Variants in HIPK3 observed in about 807,000 individuals in gnomAD.
HIPK3 encodes the protein homeodomain-interacting protein kinase 3.
Under a neutral mutation model 124.2 loss-of-function variants are expected in HIPK3, and 47 were observed. The ratio of observed to expected loss-of-function variants is 0.38; its 90% CI spans 0.30 to 0.48. The LOEUF (loss-of-function observed/expected upper bound fraction) is 0.48, where lower values mean the gene tolerates loss of function less well. HIPK3 is among the 20% of genes least tolerant of loss of function. The probability of loss-of-function intolerance (pLI) is 0.98; values close to 1 mark genes in which losing one functional copy is unlikely to be tolerated. For missense variants in HIPK3, 1,286 were observed against 1,454.3 expected, an observed-to-expected ratio of 0.88 and a Z score of 1.88; for synonymous variants, 482 against 515.2, an observed-to-expected ratio of 0.94 and a Z score of 0.87.
chr11:33,276,175 TTA>T (rs1851264298), intron 1 of HIPK3, among the ~76,000 whole-genome samples: 1 of 152,226 alleles, frequency 6.6e-6, no homozygotes, highest in African/African-American at 2.4e-5. Flanking sequence ...TGTATCTATA[TTA>T]TGTTTTTATC....
intron 1 of HIPK3, among the ~76,000 whole-genome samples, chr11:33,265,648 CCTGTAG>C (rs2133866189): frequency 1.3e-5 from 2 of 151,756 alleles, no homozygotes; most frequent in Non-Finnish European, 2.9e-5. Flanking sequence ...GTGGTGTGCA[CCTGTAG>C]CCCCAGCTAC....
intron 2 of HIPK3, among the ~76,000 whole-genome samples, chr11:33,305,766 C>A (rs1172072862): frequency 6.6e-6 from 1 of 152,078 alleles, no homozygotes; most frequent in Non-Finnish European, 1.5e-5. Context: ...TTTTTTAAGT[C>A]CTCATCTGTT....
chr11:33,337,078 C>T lies in HIPK3; in HGVS notation c.1225C>T (p.Arg409Ter). 1.3e-6 allele frequency: 2 copies of T among 1,592,710 alleles called. No homozygotes were observed. The highest frequency in any genetic ancestry group is 1.7e-6 in the Non-Finnish European group (2 of 1,168,200). ...TGTTCTGTAAATTATTTTTCAGATT[C>T]GATACATTTCTCAGACTCAAGGTTT... ...YPGALEYDQI[R>*]YISQTQGLPG... is the part of the protein sequence containing the mutation. The change falls in exon 4 of 17, where the codon CGA (arginine) becomes TGA (stop). Residue 409 changes from arginine (R) to a stop codon, truncating the protein, a stop_gained. Coordinates refer to ENST00000303296, the MANE Select transcript of HIPK3 (RefSeq NM_005734.5). LOFTEE classifies it high-confidence loss of function.
At chr11:33,268,063 C>T (rs899492690) in intron 1 of HIPK3, among the ~76,000 whole-genome samples, 3 of 151,592 alleles carry the variant, frequency 2.0e-5, no homozygotes, top group African/African-American at 4.8e-5. Flanking sequence ...ATACAAAAAT[C>T]AGACGGGTGT....
At chr11:33,279,134 C>T (rs1467916546) in intron 1 of HIPK3, among the ~76,000 whole-genome samples, 1 of 151,724 alleles carries the variant, frequency 6.6e-6, no homozygotes, top group African/African-American at 2.4e-5. Flanking sequence ...GCCAACATGG[C>T]GAAACCCCAT....
Position 33,257,412 on chromosome 11 carries a change from A to C in HIPK3, c.-480A>C. ...AGCTGCCTCAGTGACGACTGCCGGC[A>C]TCGCGGCGACCTGAGGAGATCAAGC... On this transcript the variant is annotated 5_prime_UTR_variant, in exon 1 of 17. Coordinates refer to ENST00000303296, the MANE Select transcript of HIPK3 (RefSeq NM_005734.5). The C allele has an allele frequency of 1.0e-6, 1 of 985,144 alleles. No homozygotes were observed. The highest frequency in any genetic ancestry group is 1.2e-6 in the Non-Finnish European group (1 of 829,822). 61.0% of individuals were successfully genotyped at this position (985,144 alleles called of 1,614,324 possible). A position where few individuals can be genotyped will look rare whatever the true frequency, so the allele number is the denominator to read the frequency against.
intron 6 of HIPK3, 66 bp from the exon 7 acceptor site, chr11:33,340,902 A>T: frequency 1.0e-6 from 1 of 965,222 alleles, no homozygotes. Flanking sequence ...TATTTTGTCA[A>T]TGTACCTCAA....
rs753035944 is a variant in HIPK3, at chr11:33,269,950, C to CTG, written c.-3+12075_-3+12076dup. ...ATCTAGCATCCTCATTTCTATTGCC[C>CTG]TGTGTGTGTGTGTGTATACCTGTAT... On this transcript the variant is annotated intron_variant, in intron 1 of 16. Coordinates refer to ENST00000303296, the MANE Select transcript of HIPK3 (RefSeq NM_005734.5). Among the ~76,000 whole-genome samples the CTG allele has an allele frequency of 4.6e-4, 70 of 151,182 alleles. 1 individual carries two copies. The highest frequency in any genetic ancestry group is 2.3e-3 in the East Asian group (12 of 5,168).
intron 2 of HIPK3, among the ~76,000 whole-genome samples, chr11:33,309,606 A>T (rs556354360): frequency 6.6e-6 from 1 of 152,376 alleles, no homozygotes; most frequent in Admixed American, 6.5e-5. Flanking sequence ...CTTAGGATCC[A>T]TCTTGAAGGA....
intron 2 of HIPK3, among the ~76,000 whole-genome samples, chr11:33,309,560 C>CT (rs1318343120): frequency 6.6e-6 from 1 of 152,212 alleles, no homozygotes; most frequent in Non-Finnish European, 1.5e-5. Flanking sequence ...CAAGTGGCTG[C>CT]TTGACTCTTA....
At chr11:33,287,615 A>G in intron 2 of HIPK3, 104 bp downstream of exon 2, 2 of 1,253,000 alleles carry the variant, frequency 1.6e-6, no homozygotes, top group Non-Finnish European at 2.2e-6. Flanking sequence ...CTTCAGTTAA[A>G]TAAGGAAATC....
chr11:33,340,263 A>G (rs1853291804), intron 6 of HIPK3, among the ~76,000 whole-genome samples: 1 of 152,132 alleles, frequency 6.6e-6, no homozygotes, highest in African/African-American at 2.4e-5. Flanking sequence ...TTTCGTAGAG[A>G]TGGGGTTTCA....
intron 2 of HIPK3, 91 bp downstream of exon 2, chr11:33,287,602 CCACTT>C (rs1250031463): frequency 1.3e-5 from 17 of 1,331,710 alleles, no homozygotes; most frequent in South Asian, 5.9e-5. Flanking sequence ...GTAGAAGAGA[CCACTT>C]CAGTTAAATA....
chr11:33,290,718 C>T (rs935177043), intron 2 of HIPK3, among the ~76,000 whole-genome samples: 23 of 150,908 alleles, frequency 1.5e-4, no homozygotes, highest in African/African-American at 5.6e-4. Flanking sequence ...CTTTAAAAAG[C>T]AATCTAAAAT....
In HIPK3 at chr11:33,311,910, T is replaced by TACACACAC. The variant is rs71034671; in HGVS notation, c.1098-16581_1098-16574dup. Among the ~76,000 whole-genome samples, 219 of 114,374 alleles carry TACACACAC rather than the reference T, an allele frequency of 1.9e-3. 9 individuals are homozygous for TACACACAC. Among genetic ancestry groups the TACACACAC allele is most frequent in the Admixed American group, 2.8e-3 (31 of 11,120 alleles). The allele number at this position is 114,374 out of a possible 152,430, so 75.0% of individuals were successfully genotyped here. A position where few individuals can be genotyped will look rare whatever the true frequency, so the allele number is the denominator to read the frequency against. ...GGGCAACATAGCAAGACCCTGTTTC[T>TACACACAC]ACACACACACACACACACACACACA... On this transcript the variant is annotated intron_variant, in intron 2 of 16. Coordinates refer to ENST00000303296, the MANE Select transcript of HIPK3 (RefSeq NM_005734.5).
chr11:33,347,256 A>AT (rs1565097835), intron 8 of HIPK3, 37 bp from the exon 9 acceptor site: 17 of 1,571,682 alleles, frequency 1.1e-5, no homozygotes, highest in African/African-American at 1.4e-5. Context: ...TAAGAGGAAG[A>AT]TTTTTTCTTT....
intron 1 of HIPK3, among the ~76,000 whole-genome samples, chr11:33,267,156 T>G (rs1778969321): frequency 1.3e-5 from 2 of 151,624 alleles, no homozygotes; most frequent in African/African-American, 4.8e-5. Context: ...GGGGTCTTGC[T>G]CTGTCCCCCA....
chr11:33,320,812 T>C lies in HIPK3; in HGVS notation c.1098-7698T>C, dbSNP rs144409626. 2.3e-4 allele frequency among the ~76,000 whole-genome samples: 35 copies of C among 152,280 alleles called. No individual in the cohort carries two copies. The East Asian group carries it at 6.4e-3, about 28-fold the overall frequency. ...GTGAGTTTGGGGGAATCAGGAGTTT[T>C]TCTGAACACATTCAGTTTGAGATGC... On this transcript the variant is annotated intron_variant, in intron 2 of 16. Coordinates refer to ENST00000303296, the MANE Select transcript of HIPK3 (RefSeq NM_005734.5).
rs775456343 is a variant in HIPK3, at chr11:33,287,353, GAA to G, written c.942_943del (p.Leu316TrpfsTer6). 1 of 1,614,132 alleles carries G rather than the reference GAA, an allele frequency of 6.2e-7. No individual in the cohort carries two copies. Among genetic ancestry groups the G allele is most frequent in the Admixed American group, 1.7e-5 (1 of 60,004 alleles). On this transcript the variant is annotated frameshift_variant, in exon 2 of 17. Transcript: ENST00000303296. LOFTEE classifies it high-confidence loss of function. Reference protein sequence around the residue: ...QQVATALKKLKSLGLIHADLK... With the variant: ...QQVATALKKLXSLGLIHADLK... ...AAGTGGCCACTGCACTGAAAAAATT[GAA>G]AAGTCTTGGTTTAATTCATGCTGAT...
Sources: allele counts gnomAD v4.1 joint callset (sites outside exome capture counted in the v4.1 genomes callset), GRCh38; gene constraint gnomAD v4.1.1; transcripts MANE v1.5; gene names NCBI Gene and HGNC (gene_info 2026-07-23, HGNC 2026-07-21).